The following KLF15 variants were observed in gnomAD, a reference collection of about 807,000 sequenced individuals.
KLF15 encodes Krueppel-like factor 15.
A neutral mutation model predicts 24.6 loss-of-function variants in KLF15; 4 were observed. The observed-to-expected ratio is 0.16, with a 90% CI of 0.08 to 0.37. KLF15 has a LOEUF of 0.37. Among genes scored for constraint, KLF15 ranks in the 10% least tolerant of loss-of-function variants. The pLI is 1.00. For missense variants in KLF15, 496 were observed against 560.6 expected (o/e 0.88, Z 1.16); for synonymous variants, 246 against 236.3 (o/e 1.04, Z -0.37).
the KLF15 span, among the ~76,000 whole-genome samples, chr3:126,312,034 C>T: frequency 6.6e-6 from 1 of 152,200 alleles, no homozygotes; most frequent in African/African-American, 2.4e-5. Flanking sequence ...GCTGACCAGG[C>T]AGGCTGCAAT....
the KLF15 span, among the ~76,000 whole-genome samples, chr3:126,303,562 T>G: frequency 1.3e-5 from 2 of 152,120 alleles, no homozygotes; most frequent in African/African-American, 2.4e-5. Context: ...ATTTTAAGGT[T>G]TTTTTGAATT....
chr3:126,299,747 CAAAAAAAAAAAAAAA>C, the KLF15 span, among the ~76,000 whole-genome samples: 1 of 55,978 alleles, frequency 1.8e-5, no homozygotes, highest in East Asian at 6.2e-4. Context: ...CACTCCATCT[CAAAAAAAAAAAAAAA>C]AAAAAAAAAA....
the KLF15 span, among the ~76,000 whole-genome samples, chr3:126,329,270 G>A: frequency 6.6e-6 from 1 of 152,164 alleles, no homozygotes; most frequent in Non-Finnish European, 1.5e-5. Flanking sequence ...TCTAGAATCT[G>A]TATGTTGCCT....
rs1560043466 is a variant in KLF15 at position 126,356,657 on chromosome 3, G to T, written c.-26+580C>A. The stretch of plus-strand genomic sequence containing the variant: ...AGCCGCTGTGGCTGTGCGGGAGGCT[G>T]TCCGCGAAGGACTCGCGCGTGGAGC... On this transcript the variant is annotated intron_variant, in intron 1 of 2. Transcript: ENST00000296233. This position sits in a 1 kb window ranked among gnomAD's most constrained non-coding sequence, Gnocchi z 4.4. 6.6e-6 allele frequency among the ~76,000 whole-genome samples: 1 copy of T among 152,144 alleles called. No homozygotes were observed. Among genetic ancestry groups the T allele is most frequent in the Non-Finnish European group, 1.5e-5 (1 of 68,016 alleles).
the KLF15 span, among the ~76,000 whole-genome samples, chr3:126,330,341 G>C: frequency 6.6e-6 from 1 of 152,186 alleles, no homozygotes; most frequent in Non-Finnish European, 1.5e-5. Context: ...CAATTACACA[G>C]TAATTGCTGA....
the KLF15 span, among the ~76,000 whole-genome samples, chr3:126,323,782 G>T: frequency 6.9e-6 from 1 of 144,098 alleles, no homozygotes; most frequent in African/African-American, 2.6e-5. Context: ...TGTAAGTCAC[G>T]CCTGATAATC....
chr3:126,352,082 T>C lies in KLF15; in HGVS notation c.841A>G (p.Ile281Val). Residue 281 changes from isoleucine to valine, a missense_variant, in exon 2 of 3, where the codon ATT becomes GTT. Ile to Val is a conservative substitution (Grantham distance 29). Transcript: ENST00000296233. ...NLNLPSKFVR[I>V]APVPIAAKPV... ...TTGGCGGCAATGGGCACAGGGGCAA[T>C]GCGCACAAACTTGGAGGGCAGGTTC... The C allele has an allele frequency of 6.5e-7, 1 of 1,543,558 alleles. No homozygotes were observed. Among genetic ancestry groups the C allele is most frequent in the Non-Finnish European group, 8.7e-7 (1 of 1,143,258 alleles).
chr3:126,306,763 A>G, the KLF15 span, among the ~76,000 whole-genome samples: 1 of 152,228 alleles, frequency 6.6e-6, no homozygotes, highest in African/African-American at 2.4e-5. Context: ...GCAGAATGAC[A>G]GCGAGTTCCC....
At chr3:126,308,162 C>G in the KLF15 span, among the ~76,000 whole-genome samples, 1 of 152,204 alleles carries the variant, frequency 6.6e-6, no homozygotes, top group Non-Finnish European at 1.5e-5. Context: ...CAGAGACATA[C>G]AGGAAGCGCG....
downstream of KLF15, among the ~76,000 whole-genome samples, chr3:126,339,183 G>A (rs552347020): frequency 6.6e-6 from 1 of 152,290 alleles, no homozygotes; most frequent in Non-Finnish European, 1.5e-5. Context: ...GCACAGAGCA[G>A]GACCTCACAG....
chr3:126,298,375 T>C, the KLF15 span, among the ~76,000 whole-genome samples: 1 of 151,558 alleles, frequency 6.6e-6, no homozygotes, highest in Admixed American at 6.6e-5. Context: ...ATGTATAGAC[T>C]GTAGAGATTT....
rs373467779 is a variant in KLF15 at position 126,343,776 on chromosome 3, T to G, written c.1202A>C (p.Lys401Thr). The G allele has an allele frequency of 1.7e-5, 27 of 1,611,962 alleles. No homozygotes were observed. Among genetic ancestry groups the G allele is most frequent in the Non-Finnish European group, 2.3e-5 (27 of 1,179,934 alleles). The change falls in exon 3 of 3, where the codon AAG (lysine) becomes ACG (threonine). Residue 401 changes from lysine to threonine, a missense_variant. Transcript: ENST00000296233. ...ARSDHLSKHI[K>T]VHRFPRSSRS... ...GCTGCTCCGCGGGAAGCGGTGCACC[T>G]TGATGTGCTTGGAGAGGTGGTCGCT...
downstream of KLF15, among the ~76,000 whole-genome samples, chr3:126,341,303 G>A (rs1175532856): frequency 6.6e-6 from 1 of 152,222 alleles, no homozygotes; most frequent in Non-Finnish European, 1.5e-5. Context: ...CACACACCCA[G>A]GGGAGGTGAG....
chr3:126,303,598 A>C, the KLF15 span, among the ~76,000 whole-genome samples: 1 of 151,488 alleles, frequency 6.6e-6, no homozygotes. Flanking sequence ...TTTGATCATG[A>C]TGTATCTTGG....
At chr3:126,316,005 A>T in the KLF15 span, among the ~76,000 whole-genome samples, 1,476 of 152,296 alleles carry the variant, frequency 9.7e-3, 22 homozygotes, top group African/African-American at 0.034. Flanking sequence ...GCCGCACTCT[A>T]GAGTCAAATC....
At chr3:126,332,431 C>G in the KLF15 span, among the ~76,000 whole-genome samples, 1 of 124,144 alleles carries the variant, frequency 8.1e-6, no homozygotes, top group Non-Finnish European at 1.7e-5. Context: ...ACATCACCAT[C>G]ATCAAAGACC....
the KLF15 span, among the ~76,000 whole-genome samples, chr3:126,297,690 A>G: frequency 2.0e-5 from 3 of 152,014 alleles, no homozygotes; most frequent in Admixed American, 2.0e-4. Context: ...AAGTGAGAAC[A>G]TATGATATTT....
At chr3:126,343,958 C>T in intron 2 of KLF15, 63 bp from the exon 3 acceptor site, 1 of 1,473,218 alleles carries the variant, frequency 6.8e-7, no homozygotes, top group Non-Finnish European at 9.0e-7. Context: ...CCCGACCCCA[C>T]GAAGTTGCCG....
chr3:126,298,904 C>T, the KLF15 span, among the ~76,000 whole-genome samples: 133 of 152,232 alleles, frequency 8.7e-4, 2 homozygotes, highest in South Asian at 0.026. Context: ...TAATGTGATG[C>T]CTCCAGATTT....
Sources: gnomAD v4.1 joint callset for allele counts (sites outside exome capture counted in the v4.1 genomes callset) on GRCh38, gnomAD v4.1.1 for gene constraint, Gnocchi (gnomAD v3.1) non-coding constraint, MANE v1.5 for transcripts, NCBI Gene and HGNC (gene_info 2026-07-23, HGNC 2026-07-21) for gene names.